The following CTNNA3 variants were observed in gnomAD, a reference collection of about 807,000 sequenced individuals.
CTNNA3 encodes catenin alpha-3.
CTNNA3 carries 76 observed loss-of-function variants against 95.7 expected under a neutral mutation model. The ratio of observed to expected loss-of-function variants is 0.79; its 90% CI spans 0.66 to 0.96. The LOEUF is 0.96. Ranked by LOEUF, CTNNA3 falls within the 40% of genes least tolerant of loss-of-function variation. The pLI, the probability that CTNNA3 is intolerant of heterozygous loss-of-function variation, is 0.00. For missense variants in CTNNA3, 1,191 were observed against 1,089.8 expected (o/e 1.09, Z -1.31); for synonymous variants, 431 against 374.4 (o/e 1.15, Z -1.74).
At chr10:66,826,559 G>A (rs1349311295) in intron 7 of CTNNA3, among the ~76,000 whole-genome samples, 1 of 152,072 alleles carries the variant, frequency 6.6e-6, no homozygotes, top group African/African-American at 2.4e-5. Context: ...AGATAATAGA[G>A]ATTTGTGTTA....
intron 5 of CTNNA3, among the ~76,000 whole-genome samples, chr10:67,396,464 C>A (rs887592166): frequency 6.6e-6 from 1 of 152,046 alleles, no homozygotes; most frequent in Non-Finnish European, 1.5e-5. Context: ...AATCAATGTA[C>A]AGATGACCAC....
intron 7 of CTNNA3, among the ~76,000 whole-genome samples, chr10:66,978,552 A>ATATATAT (rs1197845049): frequency 3.7e-4 from 14 of 37,882 alleles, no homozygotes; most frequent in African/African-American, 7.8e-4. Context: ...AAAAAAAAAA[A>ATATATAT]ATATATATAT....
chr10:66,507,526 A>C (rs1358790617), intron 11 of CTNNA3, among the ~76,000 whole-genome samples: 1 of 152,116 alleles, frequency 6.6e-6, no homozygotes, highest in Admixed American at 6.6e-5. Flanking sequence ...CCCAGCCTGT[A>C]ATAACCAGAG....
At chr10:67,750,908 C>T in intron 1 of CTNNA3, 3 of 1,610,176 alleles carry the variant, frequency 1.9e-6, no homozygotes, top group Admixed American at 1.7e-5. Context: ...ACCATTATGG[C>T]CTACAGCCCC....
chr10:66,229,096 A>G (rs910404458), intron 13 of CTNNA3, among the ~76,000 whole-genome samples: 1 of 152,160 alleles, frequency 6.6e-6, no homozygotes, highest in African/African-American at 2.4e-5. Context: ...TAGCCCAGTC[A>G]GCAAAACTTT....
At chr10:66,217,677 G>A (rs544793541) in intron 13 of CTNNA3, among the ~76,000 whole-genome samples, 4 of 152,124 alleles carry the variant, frequency 2.6e-5, no homozygotes, top group Non-Finnish European at 2.9e-5. Flanking sequence ...TATGGTAAAT[G>A]TATATTTAGT....
chr10:67,609,430 C>A (rs959820201), intron 2 of CTNNA3, among the ~76,000 whole-genome samples: 5 of 151,924 alleles, frequency 3.3e-5, no homozygotes, highest in African/African-American at 1.2e-4. Context: ...GATATCTGGA[C>A]CCAGTTTTTA....
At chr10:67,664,878 A>G (rs542047580) in intron 1 of CTNNA3, among the ~76,000 whole-genome samples, 186 of 152,266 alleles carry the variant, frequency 1.2e-3, no homozygotes, top group African/African-American at 4.3e-3. Flanking sequence ...TGCTTTACCA[A>G]TTCTCTGTTT....
intron 13 of CTNNA3, among the ~76,000 whole-genome samples, chr10:66,250,456 C>T (rs544887777): frequency 3.9e-4 from 60 of 152,096 alleles, no homozygotes; most frequent in Non-Finnish European, 7.2e-4. Flanking sequence ...AGGATAAATG[C>T]TTGAGAAGGC....
At chr10:67,504,245 A>G (rs1319603599) in intron 5 of CTNNA3, among the ~76,000 whole-genome samples, 22 of 149,186 alleles carry the variant, frequency 1.5e-4, no homozygotes, top group African/African-American at 4.7e-4. Flanking sequence ...AAGGTCAGGA[A>G]ATCGAGACCA....
intron 12 of CTNNA3, among the ~76,000 whole-genome samples, chr10:66,339,636 G>A (rs1354508900): frequency 2.0e-5 from 3 of 151,746 alleles, no homozygotes; most frequent in Non-Finnish European, 4.4e-5. Context: ...TACAGACAGG[G>A]TTACAGATAG....
chr10:67,299,869 G>C (rs1840196468), intron 5 of CTNNA3, among the ~76,000 whole-genome samples: 1 of 152,104 alleles, frequency 6.6e-6, no homozygotes, highest in African/African-American at 2.4e-5. Context: ...AATTGTTTCT[G>C]CCCACAAGAC....
intron 7 of CTNNA3, among the ~76,000 whole-genome samples, chr10:66,828,864 A>G (rs1452394773): frequency 6.6e-6 from 1 of 152,242 alleles, no homozygotes; most frequent in African/African-American, 2.4e-5. Flanking sequence ...CAGGTCAGAC[A>G]GAGCAGCCAC....
At chr10:67,587,111 A>G (rs1360872990) in intron 3 of CTNNA3, among the ~76,000 whole-genome samples, 1 of 150,268 alleles carries the variant, frequency 6.7e-6, no homozygotes, top group Non-Finnish European at 1.5e-5. Flanking sequence ...TACAGCCTCT[A>G]CCTCCCAGGC....
At chr10:66,731,215 C>G (rs991790566) in intron 9 of CTNNA3, among the ~76,000 whole-genome samples, 4 of 152,162 alleles carry the variant, frequency 2.6e-5, no homozygotes, top group Non-Finnish European at 5.9e-5. Context: ...TTTAAATTCA[C>G]TACTATTCAA....
At chr10:67,525,720 C>T (rs1323882969) in intron 4 of CTNNA3, among the ~76,000 whole-genome samples, 1 of 152,206 alleles carries the variant, frequency 6.6e-6, no homozygotes, top group Non-Finnish European at 1.5e-5. Context: ...ACTGCCAACG[C>T]CCTGGCTTCC....
At chr10:67,060,491 C>T (rs1339263361) in intron 7 of CTNNA3, among the ~76,000 whole-genome samples, 1 of 152,142 alleles carries the variant, frequency 6.6e-6, no homozygotes, top group Non-Finnish European at 1.5e-5. Context: ...TAGCCATGCT[C>T]ATCAAATATT....
chr10:67,217,761 G>C (rs11591505), intron 6 of CTNNA3, among the ~76,000 whole-genome samples: 32,181 of 152,002 alleles, frequency 0.21, 4,182 homozygotes, highest in Non-Finnish European at 0.28. Flanking sequence ...AGCTCTTATG[G>C]GAGCATTCTC....
chr10:67,432,627 A>G (rs2132902180), intron 5 of CTNNA3, among the ~76,000 whole-genome samples: 1 of 152,134 alleles, frequency 6.6e-6, no homozygotes. Context: ...TTTTTCATAT[A>G]AAATACATAT....
Sources: gnomAD v4.1 joint callset for allele counts (sites outside exome capture counted in the v4.1 genomes callset) on GRCh38, gnomAD v4.1.1 for gene constraint, MANE v1.5 for transcripts, NCBI Gene and HGNC (gene_info 2026-07-23, HGNC 2026-07-21) for gene names.